MDGA1: variants seen among roughly 807,000 people sequenced by gnomAD.
MDGA1 encodes the protein MAM domain-containing glycosylphosphatidylinositol anchor protein 1.
MDGA1 carries 54 observed loss-of-function variants against 101.5 expected under a neutral mutation model. That is an observed-to-expected ratio of 0.53 (90% CI 0.43 to 0.67). The LOEUF is 0.67. Ranked by LOEUF, MDGA1 falls within the 30% of genes least tolerant of loss-of-function variation. MDGA1 has a pLI of 0.00. For missense variants in MDGA1, 1,083 were observed against 1,323.8 expected (o/e 0.82, Z 2.82); for synonymous variants, 533 against 558.3 (o/e 0.95, Z 0.64).
Position 37,677,397 on chromosome 6 carries a change from T to C in MDGA1, c.68-13291A>G, listed in dbSNP as rs146833093. 5.6e-3 allele frequency among the ~76,000 whole-genome samples: 846 copies of C among 152,316 alleles called. 8 individuals are homozygous for C. Among genetic ancestry groups the C allele is most frequent in the African/African-American group, 0.019 (786 of 41,564 alleles). ...AAAGTAATTCACATAAGGATATTCA[T>C]GGCAGAGCTATTTAAAAGAAAGGGA... On this transcript the variant is annotated intron_variant, in intron 1 of 16. Coordinates refer to ENST00000434837, the MANE Select transcript of MDGA1 (RefSeq NM_153487.4).
intron 9 of MDGA1, 67 bp downstream of exon 9, chr6:37,648,915 T>A (rs1400025257): frequency 2.7e-6 from 4 of 1,499,082 alleles, no homozygotes; most frequent in Non-Finnish European, 3.6e-6. Flanking sequence ...TCACCCGGGC[T>A]GGGATTGGGG....
At position 37,664,122 on chromosome 6, in the gene MDGA1, G is replaced by T; in HGVS notation, c.68-16C>A. ...TGGGCTGGAGCTGGCAGGAGAGGAT[G>T]GAGGAGGAGGTTTAGAGAAGAGGTG... On this transcript the variant is annotated splice_polypyrimidine_tract_variant and intron_variant, in intron 1 of 16. Transcript: ENST00000434837. The T allele has an allele frequency of 6.2e-7, 1 of 1,613,620 alleles. No homozygotes were observed.
chr6:37,684,177 C>T, intron 1 of MDGA1, among the ~76,000 whole-genome samples: 1 of 152,182 alleles, frequency 6.6e-6, no homozygotes, highest in East Asian at 1.9e-4. Flanking sequence ...GTGCTTCTGC[C>T]AGCTAGCTTG....
intron 14 of MDGA1, among the ~76,000 whole-genome samples, chr6:37,640,485 C>T (rs751532028): frequency 5.3e-5 from 8 of 151,934 alleles, no homozygotes; most frequent in African/African-American, 9.7e-5. Context: ...ACCGTAGGCA[C>T]GCACCACCAC....
At chr6:37,676,517 A>G (rs539386260) in intron 1 of MDGA1, among the ~76,000 whole-genome samples, 3 of 152,356 alleles carry the variant, frequency 2.0e-5, no homozygotes, top group South Asian at 4.1e-4. Flanking sequence ...TTTGGGCTGC[A>G]GTGGGCATCT....
At chr6:37,676,311 T>A (rs1018041381) in intron 1 of MDGA1, among the ~76,000 whole-genome samples, 3 of 152,200 alleles carry the variant, frequency 2.0e-5, no homozygotes, top group Non-Finnish European at 4.4e-5. Flanking sequence ...GAAGTGGGGA[T>A]GGCAGTGGCT....
rs918155627 is a variant in MDGA1 at position 37,634,870 on chromosome 6, T to C, written c.*2498A>G. 6.6e-6 allele frequency: 1 copy of C among 152,214 alleles called. No homozygotes were observed. Among genetic ancestry groups the C allele is most frequent in the East Asian group, 1.9e-4 (1 of 5,184 alleles). 9.4% of individuals were successfully genotyped at this position (152,214 alleles called of 1,614,324 possible). Reference sequence around the variant, plus strand: ...CTGAGCACCTTTACTGTCCACTCTATGGATCCTGAGGGGAACAAGGGAGAC... The same window carrying C: ...CTGAGCACCTTTACTGTCCACTCTACGGATCCTGAGGGGAACAAGGGAGAC... On this transcript the variant is annotated 3_prime_UTR_variant, in exon 17 of 17. Coordinates refer to ENST00000434837, the MANE Select transcript of MDGA1 (RefSeq NM_153487.4). The surrounding 1 kb of genome is among the most constrained non-coding windows in gnomAD (Gnocchi z 4.7).
At chr6:37,657,079 GT>G (rs1475614380) in intron 3 of MDGA1, among the ~76,000 whole-genome samples, 2 of 152,080 alleles carry the variant, frequency 1.3e-5, no homozygotes, top group Non-Finnish European at 2.9e-5. Context: ...ACTGGAAGTT[GT>G]TTACACACAC....
intron 1 of MDGA1, among the ~76,000 whole-genome samples, chr6:37,673,255 G>A (rs1258517793): frequency 1.3e-5 from 2 of 152,124 alleles, no homozygotes; most frequent in Non-Finnish European, 2.9e-5. Context: ...CCACATTCCT[G>A]GTGGGACCGA....
rs1761453764 is a variant in MDGA1, at chr6:37,655,032, C to G, written c.580-100G>C. 1 of 1,423,644 alleles carries G rather than the reference C, an allele frequency of 7.0e-7. No individual in the cohort carries two copies. Among genetic ancestry groups the G allele is most frequent in the Non-Finnish European group, 9.5e-7 (1 of 1,055,176 alleles). The allele number at this position is 1,423,644 out of a possible 1,614,324, so 88.2% of individuals were successfully genotyped here. On this transcript the variant is annotated intron_variant, in intron 4 of 16. Transcript: ENST00000434837. The surrounding 1 kb of genome is among the most constrained non-coding windows in gnomAD (Gnocchi z 5.1). Reference sequence around the variant, plus strand: ...ACCAGAGCCTACCACAAATGCCTGTCTAATTCCTCTCTTTCCATCCCCAAC... The same window carrying G: ...ACCAGAGCCTACCACAAATGCCTGTGTAATTCCTCTCTTTCCATCCCCAAC...
intron 2 of MDGA1, 94 bp downstream of exon 2, chr6:37,663,873 G>T: frequency 7.1e-7 from 1 of 1,402,992 alleles, no homozygotes; most frequent in Non-Finnish European, 9.8e-7. Context: ...GCGGTGCATC[G>T]TGAGTCCTCA....
chr6:37,647,120 T>C (rs1761222072), intron 10 of MDGA1, 53 bp downstream of exon 10: 2 of 1,507,202 alleles, frequency 1.3e-6, no homozygotes, highest in Non-Finnish European at 1.8e-6. Context: ...ATTTCCAGGG[T>C]CAGCCACACC....
chr6:37,637,606 C>G (rs563816274), intron 16 of MDGA1, 147 bp from the exon 17 acceptor site: 1 of 645,858 alleles, frequency 1.5e-6, no homozygotes, highest in African/African-American at 1.8e-5. Context: ...CACAGACAAA[C>G]TCACCGCACA....
At chr6:37,687,699 T>G (rs1762225616) in intron 1 of MDGA1, among the ~76,000 whole-genome samples, 1 of 152,230 alleles carries the variant, frequency 6.6e-6, no homozygotes, top group African/African-American at 2.4e-5. Flanking sequence ...CTGGAACTCC[T>G]GGGCTCAAGT....
At chr6:37,695,961 C>A (rs1415227322) in intron 1 of MDGA1, among the ~76,000 whole-genome samples, 1 of 152,122 alleles carries the variant, frequency 6.6e-6, no homozygotes, top group Non-Finnish European at 1.5e-5. Context: ...GAAGGGGTAA[C>A]CAGAGTCTCC....
chr6:37,678,130 C>A (rs1762020172), intron 1 of MDGA1, among the ~76,000 whole-genome samples: 1 of 152,124 alleles, frequency 6.6e-6, no homozygotes, highest in Admixed American at 6.5e-5. Context: ...CAGCAGCCAA[C>A]TTTCACTGCC....
chr6:37,666,646 G>A (rs1269674580), intron 1 of MDGA1, among the ~76,000 whole-genome samples: 1 of 152,168 alleles, frequency 6.6e-6, no homozygotes. Flanking sequence ...GCTTTATCTT[G>A]GGATCCCCAG....
At chr6:37,643,731 C>T in intron 14 of MDGA1, 78 bp downstream of exon 14, 1 of 1,579,050 alleles carries the variant, frequency 6.3e-7, no homozygotes, top group Non-Finnish European at 8.6e-7. Flanking sequence ...TGGGCCAGCC[C>T]ATCGCCTCCT....
rs1032894374 is a variant in MDGA1 at position 37,652,855 on chromosome 6, G to A, written c.983-515C>T. On this transcript the variant is annotated intron_variant, in intron 6 of 16. Coordinates refer to ENST00000434837, the MANE Select transcript of MDGA1 (RefSeq NM_153487.4). The surrounding 1 kb of genome is among the most constrained non-coding windows in gnomAD (Gnocchi z 4.3). Reference sequence around the variant, plus strand: ...TGGAAGCATGCACTAGAATATAACAGTGGTTCTATCTAGAGAGTGGAACTG... The same window carrying A: ...TGGAAGCATGCACTAGAATATAACAATGGTTCTATCTAGAGAGTGGAACTG... 2.6e-5 allele frequency among the ~76,000 whole-genome samples: 4 copies of A among 152,224 alleles called. No individual in the cohort carries two copies. Among genetic ancestry groups the A allele is most frequent in the Non-Finnish European group, 5.9e-5 (4 of 68,042 alleles).
Sources: gnomAD v4.1 joint callset for allele counts (sites outside exome capture counted in the v4.1 genomes callset) on GRCh38, gnomAD v4.1.1 for gene constraint, Gnocchi (gnomAD v3.1) non-coding constraint, MANE v1.5 for transcripts, NCBI Gene and HGNC (gene_info 2026-07-23, HGNC 2026-07-21) for gene names.